Variants in DNAH14 observed in about 807,000 individuals in gnomAD.
The protein encoded by DNAH14 is axonemal beta dynein heavy chain 14.
A neutral mutation model predicts 520.9 loss-of-function variants in DNAH14; 478 were observed. The observed-to-expected ratio is 0.92, with a 90% confidence interval of 0.85 to 0.99. The LOEUF is 0.99. Among genes scored for constraint, DNAH14 ranks in the 50% least tolerant of loss-of-function variants. The probability of loss-of-function intolerance (pLI) is 0.00; values close to 1 mark genes in which losing one functional copy is unlikely to be tolerated. For missense variants in DNAH14, 4,831 were observed against 5,234.5 expected, an observed-to-expected ratio of 0.92 and a Z score of 2.38; for synonymous variants, 1,581 against 1,757.2, an observed-to-expected ratio of 0.90 and a Z score of 2.51.
At chr1:225,036,231 G>A (rs2066950241) in intron 11 of DNAH14, among the ~76,000 whole-genome samples, 1 of 152,120 alleles carries the variant, frequency 6.6e-6, no homozygotes, top group South Asian at 2.1e-4. Flanking sequence ...CGCCTCCCAG[G>A]TTCACGCAAT....
chr1:225,213,319 G>A (rs1439505929), intron 41 of DNAH14, among the ~76,000 whole-genome samples: 2 of 152,166 alleles, frequency 1.3e-5, no homozygotes, highest in African/African-American at 4.8e-5. Context: ...TAGCCTTGTA[G>A]TACAGTTTGA....
At chr1:225,342,508 TTCA>T (rs1457317313) in intron 69 of DNAH14, among the ~76,000 whole-genome samples, 16 of 152,232 alleles carry the variant, frequency 1.1e-4, no homozygotes, top group African/African-American at 3.6e-4. Flanking sequence ...TTTAATTGCT[TTCA>T]TCATCTTTTC....
intron 13 of DNAH14, 51 bp downstream of exon 13, chr1:225,043,165 C>T (rs2067631235): frequency 2.7e-6 from 4 of 1,486,068 alleles, no homozygotes; most frequent in Non-Finnish European, 3.6e-6. Context: ...TGTGGTGGCT[C>T]ATGCCTGCAA....
intron 41 of DNAH14, among the ~76,000 whole-genome samples, chr1:225,212,360 A>T (rs1181367528): frequency 1.3e-5 from 2 of 152,124 alleles, no homozygotes; most frequent in African/African-American, 2.4e-5. Context: ...GTGCCGCAAT[A>T]AACATACGTG....
intron 1 of DNAH14, among the ~76,000 whole-genome samples, chr1:224,944,428 G>T (rs1321458091): frequency 2.6e-5 from 4 of 152,052 alleles, no homozygotes; most frequent in East Asian, 3.9e-4. Flanking sequence ...ACACTGATGG[G>T]TCTTGACTCT....
rs772429533 is a variant in DNAH14, at chr1:225,394,162, GATTA to G, written c.13491+1717_13491+1720del. On this transcript the variant is annotated intron_variant, in intron 84 of 85. Transcript: ENST00000682510. The stretch of plus-strand genomic sequence containing the variant: ...TGATTTTAAATTGCATTTCCTTGAT[GATTA>G]ATTAAGGTGGGCACCTTTTAAAATG... 3.9e-5 allele frequency among the ~76,000 whole-genome samples: 6 copies of G among 152,278 alleles called. No individual in the cohort carries two copies. The South Asian group carries it at 6.2e-4, about 16-fold the overall frequency.
chr1:225,078,768 ATC>A (rs1170812870), intron 17 of DNAH14, among the ~76,000 whole-genome samples: 10 of 15,684 alleles, frequency 6.4e-4, no homozygotes, highest in Admixed American at 1.4e-3. Flanking sequence ...CCCATTCTCA[ATC>A]TCTCTCTCTC....
intron 41 of DNAH14, among the ~76,000 whole-genome samples, chr1:225,217,705 C>T (rs1051390968): frequency 1.3e-5 from 2 of 152,160 alleles, no homozygotes; most frequent in South Asian, 4.1e-4. Context: ...CCGAGCCAGG[C>T]GCTGGATATA....
rs183253411 is a variant in DNAH14 at position 224,930,976 on chromosome 1, C to A, written c.-34+1141C>A. On this transcript the variant is annotated intron_variant, in intron 1 of 85. Transcript: ENST00000682510. The stretch of plus-strand genomic sequence containing the variant: ...ATGTTACCTGTAAAACAGCCTTAGG[C>A]TGGTCCTTTAGGAGATATTCCAGAA... 3.7e-4 allele frequency among the ~76,000 whole-genome samples: 56 copies of A among 152,274 alleles called. No individual in the cohort carries two copies. The East Asian group carries it at 6.6e-3, about 18-fold the overall frequency.
At chr1:225,290,675 A>G (rs544517102) in intron 55 of DNAH14, among the ~76,000 whole-genome samples, 6 of 127,514 alleles carry the variant, frequency 4.7e-5, no homozygotes, top group African/African-American at 1.9e-4. Flanking sequence ...ATATATATAT[A>G]TATATATATA....
intron 39 of DNAH14, among the ~76,000 whole-genome samples, chr1:225,205,419 G>A (rs1310031267): frequency 6.6e-6 from 1 of 152,152 alleles, no homozygotes; most frequent in Non-Finnish European, 1.5e-5. Flanking sequence ...CATGATCTTG[G>A]ACTTCCAAAC....
At position 225,008,969 on chromosome 1, in the gene DNAH14, C is replaced by T. The variant is rs372478826; in HGVS notation, c.1107+1425C>T. On this transcript the variant is annotated intron_variant, in intron 10 of 85. Coordinates refer to ENST00000682510, the MANE Select transcript of DNAH14 (RefSeq NM_001367479.1). ...ACTTTTTAATGGGGTTGTTTTTTCT[C>T]GTAAATTTGTTTAAGTTCTTTGTAG... Among the ~76,000 whole-genome samples the T allele has an allele frequency of 1.6e-4, 24 of 151,944 alleles. No individual in the cohort carries two copies. The South Asian group carries it at 3.7e-3, about 24-fold the overall frequency.
intron 71 of DNAH14, among the ~76,000 whole-genome samples, chr1:225,349,073 G>A (rs906670080): frequency 1.3e-5 from 2 of 152,066 alleles, no homozygotes; most frequent in African/African-American, 4.8e-5. Flanking sequence ...CTGGGCTTAA[G>A]TGATCCTCTC....
intron 84 of DNAH14, 45 bp downstream of exon 84, chr1:225,392,496 T>G (rs2095931554): frequency 1.3e-6 from 2 of 1,543,622 alleles, no homozygotes; most frequent in Non-Finnish European, 1.8e-6. Flanking sequence ...CATTCATTCA[T>G]TCATTTATTC....
intron 78 of DNAH14, among the ~76,000 whole-genome samples, 194 bp downstream of exon 78, chr1:225,375,079 G>T (rs2095679123): frequency 6.6e-6 from 1 of 152,046 alleles, no homozygotes; most frequent in African/African-American, 2.4e-5. Flanking sequence ...CAAAAAGAAT[G>T]ATTTAAAAAT....
intron 28 of DNAH14, 60 bp from the exon 29 acceptor site, chr1:225,144,337 G>T: frequency 8.0e-7 from 1 of 1,257,196 alleles, no homozygotes; most frequent in South Asian, 1.4e-5. Context: ...TTTTCTGCAT[G>T]TGAAAATACA....
intron 10 of DNAH14, among the ~76,000 whole-genome samples, chr1:225,010,159 C>G (rs1235580413): frequency 6.6e-6 from 1 of 152,134 alleles, no homozygotes; most frequent in African/African-American, 2.4e-5. Context: ...AAGAGGGCAT[C>G]CTTGTCTTGT....
At chr1:224,956,038 T>C (rs2125525686) in intron 3 of DNAH14, among the ~76,000 whole-genome samples, 1 of 152,234 alleles carries the variant, frequency 6.6e-6, no homozygotes, top group East Asian at 1.9e-4. Flanking sequence ...AATAAAATAA[T>C]TTGTATTTTA....
chr1:224,933,691 G>A (rs2058840766), intron 1 of DNAH14, among the ~76,000 whole-genome samples: 1 of 152,084 alleles, frequency 6.6e-6, no homozygotes, highest in East Asian at 1.9e-4. Flanking sequence ...ATTATCAAAT[G>A]GCTTTTGTCC....
Sources: allele counts gnomAD v4.1 joint callset (sites outside exome capture counted in the v4.1 genomes callset), GRCh38; gene constraint gnomAD v4.1.1; transcripts MANE v1.5; gene names NCBI Gene and HGNC (gene_info 2026-07-23, HGNC 2026-07-21).